Variants in QTMAN observed in about 807,000 individuals in gnomAD.
QTMAN encodes the protein queuosine-tRNA mannosyltransferase.
chr2:144,119,505 C>A, the QTMAN span, among the ~76,000 whole-genome samples: 3 of 152,180 alleles, frequency 2.0e-5, no homozygotes, highest in African/African-American at 7.2e-5. Flanking sequence ...TGGTGTACCT[C>A]ATACAGATTG....
chr2:144,129,417 G>A, the QTMAN span, among the ~76,000 whole-genome samples: 1 of 151,942 alleles, frequency 6.6e-6, no homozygotes, highest in Non-Finnish European at 1.5e-5. Flanking sequence ...GAGAAGAGGT[G>A]CTAAAATGTT....
chr2:144,177,328 G>T, the QTMAN span: 1 of 602,160 alleles, frequency 1.7e-6, no homozygotes, highest in Admixed American at 2.8e-5. Context: ...CGAAGACTAT[G>T]AAAAACAATA....
At chr2:144,131,830 C>T in the QTMAN span, among the ~76,000 whole-genome samples, 74 of 151,924 alleles carry the variant, frequency 4.9e-4, no homozygotes, top group Admixed American at 2.7e-3. Flanking sequence ...TTCTGAACCT[C>T]GGTTTCCTCA....
the QTMAN span, among the ~76,000 whole-genome samples, chr2:144,166,135 A>G: frequency 1.3e-5 from 2 of 152,174 alleles, no homozygotes; most frequent in African/African-American, 4.8e-5. Flanking sequence ...TTGGAGCTTC[A>G]AGTATAATGA....
At chr2:144,106,950 A>T in the QTMAN span, among the ~76,000 whole-genome samples, 2 of 152,322 alleles carry the variant, frequency 1.3e-5, no homozygotes, top group African/African-American at 4.8e-5. Flanking sequence ...GGATTAAGAA[A>T]CTCACTCAAA....
At chr2:143,946,373 T>C in the QTMAN span, 1 of 152,360 alleles carries the variant, frequency 6.6e-6, no homozygotes, top group South Asian at 2.1e-4. Context: ...CTGTGAATCA[T>C]GGGAATACCT....
At chr2:144,129,255 T>C in the QTMAN span, among the ~76,000 whole-genome samples, 1 of 151,788 alleles carries the variant, frequency 6.6e-6, no homozygotes, top group Non-Finnish European at 1.5e-5. Flanking sequence ...CCAAAACAGA[T>C]AAATCAGCTC....
At chr2:144,007,472 A>T in the QTMAN span, 7 of 1,612,230 alleles carry the variant, frequency 4.3e-6, 1 homozygote, top group South Asian at 7.7e-5. Context: ...ACAGAACCGC[A>T]CCGCCATTTC....
the QTMAN span, among the ~76,000 whole-genome samples, chr2:144,307,271 T>A: frequency 8.0e-6 from 1 of 125,692 alleles, no homozygotes; most frequent in African/African-American, 3.1e-5. Flanking sequence ...TCACATGCAA[T>A]ATAATAAAAG....
the QTMAN span, among the ~76,000 whole-genome samples, chr2:144,260,969 G>A: frequency 3.3e-5 from 5 of 151,872 alleles, no homozygotes; most frequent in Non-Finnish European, 7.4e-5. Flanking sequence ...TCTCAACATA[G>A]TGGCATAGGT....
chr2:144,297,583 T>C, the QTMAN span, among the ~76,000 whole-genome samples: 1 of 146,696 alleles, frequency 6.8e-6, no homozygotes, highest in Non-Finnish European at 1.5e-5. Context: ...CCGTCTTTTT[T>C]TTTTTTTTTT....
At chr2:144,256,928 T>G in the QTMAN span, among the ~76,000 whole-genome samples, 1 of 151,756 alleles carries the variant, frequency 6.6e-6, no homozygotes, top group Non-Finnish European at 1.5e-5. Flanking sequence ...CACTAAATAT[T>G]AAATGAGCTT....
At chr2:144,251,476 G>GA in the QTMAN span, among the ~76,000 whole-genome samples, 1 of 151,906 alleles carries the variant, frequency 6.6e-6, no homozygotes, top group Non-Finnish European at 1.5e-5. Flanking sequence ...TCTACATGTA[G>GA]AAAAAAATGA....
the QTMAN span, among the ~76,000 whole-genome samples, chr2:144,066,961 T>G: frequency 3.3e-5 from 5 of 152,238 alleles, no homozygotes; most frequent in East Asian, 9.6e-4. Flanking sequence ...CTTTGACGCC[T>G]ATTTATTTTC....
At chr2:143,973,489 T>C in the QTMAN span, among the ~76,000 whole-genome samples, 167 of 152,248 alleles carry the variant, frequency 1.1e-3, no homozygotes, top group Non-Finnish European at 1.0e-4. Flanking sequence ...GGGGTTTTCT[T>C]TTTAGAAAAA....
At chr2:144,186,415 A>G in the QTMAN span, among the ~76,000 whole-genome samples, 25 of 152,218 alleles carry the variant, frequency 1.6e-4, no homozygotes, top group Non-Finnish European at 2.8e-4. Flanking sequence ...CATTCTGAGG[A>G]GGAAGTAATA....
the QTMAN span, among the ~76,000 whole-genome samples, chr2:143,958,347 TAAG>T: frequency 1.3e-5 from 2 of 152,118 alleles, no homozygotes; most frequent in Non-Finnish European, 1.5e-5. Flanking sequence ...AAGCAGCAGT[TAAG>T]AAGAGCTTGG....
the QTMAN span, among the ~76,000 whole-genome samples, chr2:144,296,615 T>C: frequency 6.6e-6 from 1 of 152,214 alleles, no homozygotes; most frequent in African/African-American, 2.4e-5. Flanking sequence ...TAAACAACAC[T>C]GTTTCAGGAC....
At chr2:144,133,392 ATT>A in the QTMAN span, among the ~76,000 whole-genome samples, 1 of 40,244 alleles carries the variant, frequency 2.5e-5, no homozygotes, top group Non-Finnish European at 4.9e-5. Context: ...TATAATATAT[ATT>A]ATATAAATAT....
Sources: allele counts gnomAD v4.1 joint callset (sites outside exome capture counted in the v4.1 genomes callset), GRCh38; gene constraint gnomAD v4.1.1; transcripts MANE v1.5; gene names NCBI Gene and HGNC (gene_info 2026-07-23, HGNC 2026-07-21).